The following CALD1 variants were observed in gnomAD, a reference collection of about 807,000 sequenced individuals.
CALD1 encodes caldesmon.
Under a neutral mutation model 99.9 loss-of-function variants are expected in CALD1, and 33 were observed. The observed-to-expected ratio is 0.33, with a 90% CI of 0.25 to 0.44. The LOEUF is 0.44. Ranked by LOEUF, CALD1 falls within the 20% of genes least tolerant of loss-of-function variation. The probability of loss-of-function intolerance (pLI) is 1.00; values close to 1 mark genes in which losing one functional copy is unlikely to be tolerated. For synonymous variants in CALD1, 310 were observed against 325.0 expected, an observed-to-expected ratio of 0.95 and a Z score of 0.50; for missense variants, 861 against 962.1, an observed-to-expected ratio of 0.89 and a Z score of 1.39.
upstream of CALD1, among the ~76,000 whole-genome samples, chr7:134,741,512 T>C (rs1796591559): frequency 6.6e-6 from 1 of 152,150 alleles, no homozygotes; most frequent in Admixed American, 6.5e-5. Flanking sequence ...ACTCAATTCA[T>C]GTTCAATAGT....
Position 134,928,764 on chromosome 7 carries a change from C to T in CALD1, c.82C>T (p.Gln28Ter). 1 of 1,613,662 alleles carries T rather than the reference C, an allele frequency of 6.2e-7. No individual in the cohort carries two copies. Among genetic ancestry groups the T allele is most frequent in the Non-Finnish European group, 8.5e-7 (1 of 1,179,830 alleles). The change falls in exon 4 of 15, where the codon CAG becomes TAG. Residue 28 changes from glutamine to a stop codon, truncating the protein, a stop_gained. Transcript: ENST00000361675. LOFTEE classifies it high-confidence loss of function. ...MRLEAERIAYQRNDDDEEEAA... is the reference protein window; with the variant it reads ...MRLEAERIAY ...TTTGTAATGTTGCAGAATCGCCTAC[C>T]AGAGGAATGACGATGATGAAGAGGA...
At chr7:134,788,738 G>A (rs1797404374) in intron 1 of CALD1, among the ~76,000 whole-genome samples, 1 of 152,134 alleles carries the variant, frequency 6.6e-6, no homozygotes, top group Non-Finnish European at 1.5e-5. Context: ...TGTCAGGCTG[G>A]TAGTGGTAGC....
chr7:134,917,964 T>C (rs939843724), intron 3 of CALD1, among the ~76,000 whole-genome samples: 10 of 152,218 alleles, frequency 6.6e-5, no homozygotes, highest in Non-Finnish European at 2.9e-5. Flanking sequence ...CCTTACATAT[T>C]CTTTGTAAAC....
chr7:134,767,025 A>G (rs529088260), intron 1 of CALD1, among the ~76,000 whole-genome samples: 4 of 152,332 alleles, frequency 2.6e-5, no homozygotes, highest in Admixed American at 2.6e-4. Flanking sequence ...ACCCTTGGAC[A>G]TGTTTACAGA....
chr7:134,883,451 A>T (rs1801701287), intron 3 of CALD1, among the ~76,000 whole-genome samples: 1 of 152,160 alleles, frequency 6.6e-6, no homozygotes, highest in African/African-American at 2.4e-5. Flanking sequence ...CTTTTAAATG[A>T]GAAAATTGGA....
At chr7:134,749,094 T>C (rs1421946885) in intron 1 of CALD1, among the ~76,000 whole-genome samples, 3 of 152,204 alleles carry the variant, frequency 2.0e-5, no homozygotes, top group South Asian at 2.1e-4. Flanking sequence ...ACCCAGTTTA[T>C]AGTATTGTGT....
intron 3 of CALD1, among the ~76,000 whole-genome samples, chr7:134,900,494 A>G (rs1267700671): frequency 1.3e-5 from 2 of 152,124 alleles, no homozygotes; most frequent in African/African-American, 4.8e-5. Context: ...TCTGGGGTGT[A>G]GCTGCGCTGC....
chr7:134,903,855 A>T, intron 3 of CALD1, among the ~76,000 whole-genome samples: 1 of 152,128 alleles, frequency 6.6e-6, no homozygotes, highest in East Asian at 1.9e-4. Flanking sequence ...TTTGGAGGAC[A>T]CAACTGAACA....
chr7:134,896,181 A>G (rs951386811), intron 3 of CALD1, among the ~76,000 whole-genome samples: 2 of 151,820 alleles, frequency 1.3e-5, no homozygotes, highest in Non-Finnish European at 2.9e-5. Context: ...AGGAATAAGA[A>G]CTCCTGCCCC....
intron 9 of CALD1, among the ~76,000 whole-genome samples, chr7:134,953,675 T>G (rs1248241570): frequency 3.3e-5 from 5 of 149,492 alleles, no homozygotes; most frequent in Non-Finnish European, 7.4e-5. Context: ...TTTTGTTTTT[T>G]TTTTTCAGGA....
In CALD1 at chr7:134,933,637, G is replaced by A; in HGVS notation, c.868G>A (p.Asp290Asn). ...IKAEQDKKIA[D>N]ERARIEAEEK... ...AGCCGAGCAAGACAAAAAGATAGCAGATGAACGAGCAAGAATTGAAGCAGA... is the reference window on the plus strand; with the variant it reads ...AGCCGAGCAAGACAAAAAGATAGCAAATGAACGAGCAAGAATTGAAGCAGA... Residue 290 changes from aspartate (D) to asparagine (N), a missense_variant, in exon 5 of 15, where the codon GAT (aspartate) becomes AAT (asparagine). By Grantham distance (23) the Asp-to-Asn change is conservative. Around this residue, in one of 5 missense-constraint regions of CALD1, gnomAD observed 234 missense variants for 233.1 expected, o/e 1.00. Coordinates refer to ENST00000361675, the MANE Select transcript of CALD1 (RefSeq NM_033138.4). 1.2e-6 allele frequency: 2 copies of A among 1,609,950 alleles called. No homozygotes were observed. The highest frequency in any genetic ancestry group is 1.7e-6 in the Non-Finnish European group (2 of 1,177,926).
At chr7:134,921,962 A>G (rs904656255) in intron 3 of CALD1, among the ~76,000 whole-genome samples, 2 of 152,238 alleles carry the variant, frequency 1.3e-5, no homozygotes, top group African/African-American at 4.8e-5. Flanking sequence ...GAATGGTTAA[A>G]CTGTGCTATC....
At chr7:134,850,416 C>A (rs1296539347) in intron 2 of CALD1, among the ~76,000 whole-genome samples, 2 of 152,166 alleles carry the variant, frequency 1.3e-5, no homozygotes, top group East Asian at 3.9e-4. Flanking sequence ...CCAGCTCTAC[C>A]ACTTACTAGC....
At chr7:134,918,363 G>A (rs1804365965) in intron 3 of CALD1, among the ~76,000 whole-genome samples, 1 of 152,164 alleles carries the variant, frequency 6.6e-6, no homozygotes, top group African/African-American at 2.4e-5. Context: ...TGCCTCATCT[G>A]TTGTTATAAA....
In CALD1 at chr7:134,890,563, T is replaced by C. The variant is rs963227841; in HGVS notation, c.71+22759T>C. Among the ~76,000 whole-genome samples the C allele has an allele frequency of 3.9e-5, 6 of 152,340 alleles. No individual in the cohort carries two copies. In the South Asian group the frequency reaches 1.2e-3, roughly 32 times the overall value. On this transcript the variant is annotated intron_variant, in intron 3 of 14. Transcript: ENST00000361675. ...ACAGAAAGCCAGTCCCACGAGCAGC[T>C]TGGTACCCAAATACCAGTCTGTTTA...
intron 3 of CALD1, chr7:134,927,947 A>G: frequency 6.7e-6 from 1 of 148,780 alleles, no homozygotes; most frequent in South Asian, 2.0e-4. Flanking sequence ...ATTATAATAT[A>G]ATATTTATTA....
chr7:134,867,669 T>C (rs1800862349), intron 2 of CALD1, 24 bp from the exon 3 acceptor site: 5 of 914,054 alleles, frequency 5.5e-6, no homozygotes, highest in African/African-American at 3.3e-5. Flanking sequence ...ATCAATGATA[T>C]TGACTCTACC....
At chr7:134,769,248 G>A (rs1796856273) in intron 1 of CALD1, among the ~76,000 whole-genome samples, 1 of 152,084 alleles carries the variant, frequency 6.6e-6, no homozygotes. Flanking sequence ...GCTTAAGAGT[G>A]TGAGGGCGTC....
At chr7:134,903,962 C>A (rs1803182574) in intron 3 of CALD1, among the ~76,000 whole-genome samples, 1 of 152,116 alleles carries the variant, frequency 6.6e-6, no homozygotes, top group Non-Finnish European at 1.5e-5. Context: ...GGGCCTCACA[C>A]CTGTAATCCT....
Sources: allele counts gnomAD v4.1 joint callset (sites outside exome capture counted in the v4.1 genomes callset), GRCh38; gene constraint gnomAD v4.1.1; regional missense constraint gnomAD v4.1.1; transcripts MANE v1.5; gene names NCBI Gene and HGNC (gene_info 2026-07-23, HGNC 2026-07-21).